DKK2: variants seen among roughly 807,000 people sequenced by gnomAD.
The protein encoded by DKK2 is dickkopf Wnt signaling pathway inhibitor 2.
In DKK2, 11 loss-of-function variants were observed where a neutral mutation model predicts 28.1. The observed-to-expected ratio is 0.39, with a 90% CI of 0.25 to 0.65. DKK2 has a LOEUF of 0.65. DKK2 is among the 30% of genes least tolerant of loss of function. DKK2 has a pLI of 0.47. For missense variants in DKK2, 326 were observed against 335.5 expected (o/e 0.97, Z 0.22); for synonymous variants, 135 against 126.5 (o/e 1.07, Z -0.45).
intron 1 of DKK2, among the ~76,000 whole-genome samples, chr4:106,952,859 C>T (rs756870988): frequency 3.3e-5 from 5 of 152,132 alleles, no homozygotes; most frequent in Non-Finnish European, 5.9e-5. Context: ...ACATGGTTAG[C>T]TGGTTAGCAT....
At chr4:107,011,398 C>T (rs971082474) in intron 1 of DKK2, among the ~76,000 whole-genome samples, 1 of 151,490 alleles carries the variant, frequency 6.6e-6, no homozygotes, top group African/African-American at 2.4e-5. Context: ...GTGGAAGATT[C>T]ACTTTGTTCA....
At chr4:107,018,684 C>T (rs1259326245) in intron 1 of DKK2, among the ~76,000 whole-genome samples, 1 of 152,070 alleles carries the variant, frequency 6.6e-6, no homozygotes. Context: ...AAGGGAATAT[C>T]TCTCTTTCCT....
chr4:107,030,176 A>G (rs1723854938), intron 1 of DKK2, among the ~76,000 whole-genome samples: 1 of 152,136 alleles, frequency 6.6e-6, no homozygotes, highest in Non-Finnish European at 1.5e-5. Flanking sequence ...GCCATTACAA[A>G]GAAAAGAACC....
At chr4:106,944,688 TGA>T (rs1200452539) in intron 1 of DKK2, among the ~76,000 whole-genome samples, 1 of 152,102 alleles carries the variant, frequency 6.6e-6, no homozygotes, top group Non-Finnish European at 1.5e-5. Context: ...CTACATGTTT[TGA>T]GTCCAGACAG....
chr4:107,021,158 T>C (rs995368774), intron 1 of DKK2, among the ~76,000 whole-genome samples: 2 of 152,102 alleles, frequency 1.3e-5, no homozygotes, highest in Non-Finnish European at 2.9e-5. Context: ...CTCAGAATGT[T>C]TATTAGAGTT....
chr4:107,027,937 A>G (rs948347100), intron 1 of DKK2, among the ~76,000 whole-genome samples: 4 of 151,848 alleles, frequency 2.6e-5, no homozygotes, highest in Admixed American at 2.0e-4. Context: ...ATTTTTTAGT[A>G]GAGACGGGGT....
intron 1 of DKK2, among the ~76,000 whole-genome samples, chr4:106,952,565 T>C (rs1387342833): frequency 6.6e-6 from 1 of 152,184 alleles, no homozygotes. Context: ...ATAAGTTATA[T>C]TGATGCCAAA....
intron 1 of DKK2, among the ~76,000 whole-genome samples, chr4:106,962,489 CTATGTGTGTGTGTGTGTGTG>C (rs1199398702): frequency 5.3e-5 from 6 of 112,990 alleles, no homozygotes; most frequent in Non-Finnish European, 7.3e-5. Flanking sequence ...GCCAGAAAAA[CTATGTGTGTGTGTGTGTGTG>C]TGTGTGTGTG....
intron 1 of DKK2, among the ~76,000 whole-genome samples, chr4:107,022,419 G>A (rs1296919268): frequency 6.6e-6 from 1 of 152,002 alleles, no homozygotes; most frequent in Admixed American, 6.6e-5. Context: ...GGTTTCTCTG[G>A]CCTCCAACTT....
intron 1 of DKK2, among the ~76,000 whole-genome samples, chr4:106,960,039 T>A (rs968898915): frequency 6.6e-6 from 1 of 151,610 alleles, no homozygotes; most frequent in Non-Finnish European, 1.5e-5. Context: ...ATATTTTTTA[T>A]TGAAGCGTGA....
At chr4:106,987,389 T>C (rs1723135717) in intron 1 of DKK2, among the ~76,000 whole-genome samples, 1 of 152,084 alleles carries the variant, frequency 6.6e-6, no homozygotes, top group East Asian at 1.9e-4. Flanking sequence ...AAGTCAGGAG[T>C]CTATTAAACA....
intron 1 of DKK2, among the ~76,000 whole-genome samples, chr4:106,926,652 C>A (rs1724430033): frequency 6.6e-6 from 1 of 152,116 alleles, no homozygotes; most frequent in African/African-American, 2.4e-5. Flanking sequence ...AGACTCCTTA[C>A]AGACCTGAAA....
chr4:107,022,125 GA>G (rs1723706401), intron 1 of DKK2, among the ~76,000 whole-genome samples: 1 of 151,846 alleles, frequency 6.6e-6, no homozygotes, highest in African/African-American at 2.4e-5. Context: ...TTATGAAAAA[GA>G]AAAACTCATC....
At chr4:106,951,495 A>C (rs923745048) in intron 1 of DKK2, among the ~76,000 whole-genome samples, 2 of 152,174 alleles carry the variant, frequency 1.3e-5, no homozygotes, top group African/African-American at 4.8e-5. Context: ...ATGCAATACT[A>C]TTCAGCCATA....
At chr4:107,014,655 C>T (rs1349419781) in intron 1 of DKK2, among the ~76,000 whole-genome samples, 1 of 151,334 alleles carries the variant, frequency 6.6e-6, no homozygotes, top group African/African-American at 2.4e-5. Flanking sequence ...AAAAGTTATC[C>T]CCACAAATAA....
chr4:107,014,136 G>T (rs1184413232), intron 1 of DKK2, among the ~76,000 whole-genome samples: 1 of 151,362 alleles, frequency 6.6e-6, no homozygotes, highest in Non-Finnish European at 1.5e-5. Context: ...CCATTTCTGA[G>T]TACATATCCA....
At chr4:106,985,824 A>AAAAAAGAAAAAAGAAAAGAAAAG (rs1560586448) in intron 1 of DKK2, among the ~76,000 whole-genome samples, 2 of 151,646 alleles carry the variant, frequency 1.3e-5, no homozygotes, top group African/African-American at 4.8e-5. Context: ...TCAAAAAAAA[A>AAAAAAGAAAAAAGAAAAGAAAAG]AAAAAGAAAA....
intron 1 of DKK2, among the ~76,000 whole-genome samples, chr4:106,978,682 G>C (rs1056105441): frequency 5.9e-5 from 9 of 152,284 alleles, no homozygotes; most frequent in Admixed American, 3.3e-4. Context: ...GGGCTCTGTG[G>C]GGGTAGGATC....
chr4:107,034,673 T>C (rs1723934710), intron 1 of DKK2, among the ~76,000 whole-genome samples: 1 of 152,166 alleles, frequency 6.6e-6, no homozygotes. Flanking sequence ...TTATGTACAA[T>C]TCTGCGTGAG....
Sources: gnomAD v4.1 joint callset for allele counts (sites outside exome capture counted in the v4.1 genomes callset) on GRCh38, gnomAD v4.1.1 for gene constraint, MANE v1.5 for transcripts, NCBI Gene and HGNC (gene_info 2026-07-23, HGNC 2026-07-21) for gene names.